NCAPH2: variants seen among roughly 807,000 people sequenced by gnomAD.
NCAPH2 encodes the protein non-SMC condensin II complex subunit H2.
In NCAPH2, 56 loss-of-function variants were observed where a neutral mutation model predicts 88.6. The observed-to-expected ratio is 0.63, with a 90% CI of 0.51 to 0.79. The LOEUF is 0.79. Ranked by LOEUF, NCAPH2 falls within the 30% of genes least tolerant of loss-of-function variation. The pLI is 0.00. For missense variants in NCAPH2, 794 were observed against 792.0 expected, an observed-to-expected ratio of 1.00 and a Z score of -0.03; for synonymous variants, 378 against 313.6, an observed-to-expected ratio of 1.21 and a Z score of -2.17.
At chr22:50,521,707 C>T (rs1485565295) in intron 11 of NCAPH2, 34 bp from the exon 12 acceptor site, 30 of 1,612,752 alleles carry the variant, frequency 1.9e-5, no homozygotes, top group Non-Finnish European at 2.1e-5. Flanking sequence ...CCTGATCCCC[C>T]AGCGGCTCTA....
chr22:50,520,125 C>T (rs1316885321), intron 9 of NCAPH2, among the ~76,000 whole-genome samples: 1 of 152,208 alleles, frequency 6.6e-6, no homozygotes, highest in African/African-American at 2.4e-5. Flanking sequence ...CCGTCTTGGC[C>T]TCCCAAAGCA....
chr22:50,523,728 G>C lies in NCAPH2; in HGVS notation c.*353G>C. On this transcript the variant is annotated 3_prime_UTR_variant, in exon 20 of 20. Coordinates refer to ENST00000420993, the MANE Select transcript of NCAPH2 (RefSeq NM_152299.4). Reference sequence around the variant, plus strand: ...AGAGGCCGTCAGGGTTGAGCAGGTAGATGGCAATGGAGTGGTCCACGATGT... The same window carrying C: ...AGAGGCCGTCAGGGTTGAGCAGGTACATGGCAATGGAGTGGTCCACGATGT... 6.2e-7 allele frequency: 1 copy of C among 1,614,220 alleles called. No homozygotes were observed. Among genetic ancestry groups the C allele is most frequent in the Non-Finnish European group, 8.5e-7 (1 of 1,180,026 alleles).
intron 9 of NCAPH2, 192 bp downstream of exon 9, chr22:50,519,512 C>T (rs1181624846): frequency 1.4e-6 from 2 of 1,427,466 alleles, no homozygotes; most frequent in Non-Finnish European, 1.8e-6. Context: ...TGTGTTCCTC[C>T]CCTCTCTGAG....
chr22:50,524,373 C>A lies in NCAPH2; in HGVS notation c.*998C>A, dbSNP rs1416866419. On this transcript the variant is annotated 3_prime_UTR_variant, in exon 20 of 20. Transcript: ENST00000420993. Reference sequence around the variant, plus strand: ...GGACCCGAGGCTTGAGCTGAGAGAGCCTGTGCCAAGCTGTGGGGCTCCGAG... The same window carrying A: ...GGACCCGAGGCTTGAGCTGAGAGAGACTGTGCCAAGCTGTGGGGCTCCGAG... The A allele has an allele frequency of 1.9e-6, 3 of 1,602,966 alleles. No individual in the cohort carries two copies. The African/African-American group carries it at 4.0e-5, about 21-fold the overall frequency.
chr22:50,517,777 A>G lies in NCAPH2; in HGVS notation c.388A>G (p.Asn130Asp), dbSNP rs2068969772. The G allele has an allele frequency of 6.2e-7, 1 of 1,613,846 alleles. No individual in the cohort carries two copies. The highest frequency in any genetic ancestry group is 1.3e-5 in the African/African-American group (1 of 74,938). Residue 130 changes from asparagine (N) to aspartate (D), a missense_variant, in exon 5 of 20, where the codon AAC becomes GAC. Physicochemically the swap from Asn to Asp is conservative, Grantham distance 23. This residue lies in a region of NCAPH2 where 735 missense variants were observed against 696.3 expected (regional missense o/e 1.06). Coordinates refer to ENST00000420993, the MANE Select transcript of NCAPH2 (RefSeq NM_152299.4). ...GGATGACTTCCCTGACTCCCGGACT[A>G]ACGTGGATCTCAAGAATGATCAGAC... ...SLDDFPDSRT[N>D]VDLKNDQTPS... is the part of the protein sequence containing the mutation.
rs777902890 is a variant in NCAPH2 at position 50,523,368 on chromosome 22, A to G, written c.1811A>G (p.Gln604Arg). Residue 604 changes from glutamine (Q) to arginine (R), a missense_variant, in exon 20 of 20, where the codon CAG becomes CGG. Physicochemically the swap from Gln to Arg is conservative, Grantham distance 43 (BLOSUM62 1). This residue lies in a region of NCAPH2 where 735 missense variants were observed against 696.3 expected (regional missense o/e 1.06). Transcript: ENST00000420993. ...FQTYAAPSMA[Q>R]P ...ACCTACGCTGCCCCCTCCATGGCCCAGCCCTGAGTGGGGAGCACCGAGGCA... is the reference window on the plus strand; with the variant it reads ...ACCTACGCTGCCCCCTCCATGGCCCGGCCCTGAGTGGGGAGCACCGAGGCA... 5.8e-5 allele frequency: 89 copies of G among 1,547,152 alleles called. No homozygotes were observed. The highest frequency in any genetic ancestry group is 7.8e-5 in the Admixed American group (4 of 51,048).
At position 50,520,945 on chromosome 22, in the gene NCAPH2, C is replaced by A; in HGVS notation, c.862-20C>A. 6.4e-7 allele frequency: 1 copy of A among 1,550,458 alleles called. No individual in the cohort carries two copies. Among genetic ancestry groups the A allele is most frequent in the Admixed American group, 2.0e-5 (1 of 50,962 alleles). On this transcript the variant is annotated intron_variant, in intron 9 of 19. Transcript: ENST00000420993. ...AGGGGAGAAAGAGGAGAAGTGGGGA[C>A]CCTGTGACTGTCTTTGCAGAGTGCT...
chr22:50,508,482 C>T (rs1352617514), intron 1 of NCAPH2, 37 bp downstream of exon 1: 1 of 131,352 alleles, frequency 7.6e-6, no homozygotes, highest in Non-Finnish European at 1.5e-5. Flanking sequence ...GGTGGGCCGG[C>T]GGGTGGGGCT....
intron 9 of NCAPH2, 164 bp downstream of exon 9, chr22:50,519,484 C>G (rs2069023757): frequency 9.7e-6 from 14 of 1,438,412 alleles, no homozygotes; most frequent in South Asian, 7.7e-5. Flanking sequence ...GCAACCAGCC[C>G]TTTTGAAGAG....
In NCAPH2 at chr22:50,508,389, C is replaced by G; in HGVS notation, c.52C>G (p.Leu18Val). The G allele has an allele frequency of 6.7e-7, 1 of 1,488,044 alleles. No homozygotes were observed. The highest frequency in any genetic ancestry group is 8.9e-7 in the Non-Finnish European group (1 of 1,122,708). The allele number at this position is 1,488,044 out of a possible 1,614,324, so 92.2% of individuals were successfully genotyped here. ...CCACCTCTTGCAGCCCATCCGCGAC[C>G]TCACCAAGAACTGGGAGGTGGACGT... is the stretch of plus-strand genomic sequence containing the variant. ...FAHLLQPIRD[L>V]TKNWEVDVAA... Residue 18 changes from leucine (L) to valine (V), a missense_variant, in exon 1 of 20, where the codon CTC becomes GTC. By Grantham distance (32) the Leu-to-Val change is conservative (BLOSUM62 1). This residue lies in a region of NCAPH2 where 59 missense variants were observed against 95.7 expected (regional missense o/e 0.62). Coordinates refer to ENST00000420993, the MANE Select transcript of NCAPH2 (RefSeq NM_152299.4).
intron 1 of NCAPH2, among the ~76,000 whole-genome samples, chr22:50,508,672 G>A (rs533953072): frequency 2.0e-5 from 3 of 152,200 alleles, no homozygotes; most frequent in Non-Finnish European, 4.4e-5. Flanking sequence ...GTTTCTACCC[G>A]TCAGCGAGCC....
rs1004789765 is a variant in NCAPH2 at position 50,521,966 on chromosome 22, C to T, written c.1109-20C>T. The T allele has an allele frequency of 9.9e-6, 16 of 1,613,842 alleles. No individual in the cohort carries two copies. Among genetic ancestry groups the T allele is most frequent in the African/African-American group, 2.7e-5 (2 of 75,056 alleles). On this transcript the variant is annotated intron_variant, in intron 12 of 19. Transcript: ENST00000420993. ...TGGGCAGCTCTTGGCCTGGCTGGTG[C>T]TGAGCATGTTCTTTCACAGATGCAG... is the stretch of plus-strand genomic sequence containing the variant.
At chr22:50,509,881 A>G (rs131822) in intron 1 of NCAPH2, among the ~76,000 whole-genome samples, 76,232 of 151,832 alleles carry the variant, frequency 0.5, 20,150 homozygotes, top group African/African-American at 0.67. Context: ...TTGGTGGAAG[A>G]TCTTCATGCT....
chr22:50,523,819 A>G lies in NCAPH2; in HGVS notation c.*444A>G, dbSNP rs747200175. On this transcript the variant is annotated 3_prime_UTR_variant, in exon 20 of 20. Coordinates refer to ENST00000420993, the MANE Select transcript of NCAPH2 (RefSeq NM_152299.4). ...GCGGTAACTGTGACTAGCCTGGGCA[A>G]CCTGTTTGGTGGAGCCGGTCAGACC... The G allele has an allele frequency of 4.3e-6, 7 of 1,613,974 alleles. No individual in the cohort carries two copies. In the South Asian group the frequency reaches 7.7e-5, roughly 18 times the overall value.
Position 50,522,153 on chromosome 22 carries a change from G to A in NCAPH2, c.1163-28G>A, listed in dbSNP as rs766509065. 3.7e-6 allele frequency: 6 copies of A among 1,611,874 alleles called. No individual in the cohort carries two copies. The East Asian group carries it at 1.1e-4, about 30-fold the overall frequency. ...TGGCACGGGGCCTGGGAAGGACGAG[G>A]GAGCCCTCACAAGGCCTTTGTCTGC... On this transcript the variant is annotated intron_variant, in intron 13 of 19. Transcript: ENST00000420993.
chr22:50,510,245 G>A (rs1272806199), intron 1 of NCAPH2, among the ~76,000 whole-genome samples: 1 of 151,874 alleles, frequency 6.6e-6, no homozygotes, highest in African/African-American at 2.4e-5. Context: ...AAATAAAGAG[G>A]GACTTCATAT....
At chr22:50,516,694 C>T (rs1300527671) in intron 2 of NCAPH2, 146 bp downstream of exon 2, 4 of 665,366 alleles carry the variant, frequency 6.0e-6, no homozygotes, top group Non-Finnish European at 7.8e-6. Context: ...CAGCACCTTC[C>T]AACACCAAGA....
intron 8 of NCAPH2, 115 bp from the exon 9 acceptor site, chr22:50,519,075 A>G: frequency 9.3e-7 from 1 of 1,074,836 alleles, no homozygotes; most frequent in South Asian, 1.7e-5. Context: ...GGCACCCGCC[A>G]AATCCTCTGG....
intron 1 of NCAPH2, among the ~76,000 whole-genome samples, chr22:50,512,774 A>G (rs1473048184): frequency 2.6e-5 from 4 of 151,938 alleles, no homozygotes; most frequent in African/African-American, 9.7e-5. Flanking sequence ...TCAAACTCCC[A>G]AGCTCAAGTG....
Sources: gnomAD v4.1 joint callset for allele counts (sites outside exome capture counted in the v4.1 genomes callset) on GRCh38, gnomAD v4.1.1 for gene constraint, gnomAD v4.1.1 regional missense constraint, MANE v1.5 for transcripts, NCBI Gene and HGNC (gene_info 2026-07-23, HGNC 2026-07-21) for gene names.